SPATA13: variants seen among roughly 807,000 people sequenced by gnomAD.
The protein encoded by SPATA13 is spermatogenesis-associated protein 13.
SPATA13 carries 50 observed loss-of-function variants against 104.0 expected under a neutral mutation model. The ratio of observed to expected loss-of-function variants is 0.48; its 90% CI spans 0.38 to 0.61. SPATA13 has a LOEUF of 0.61. Among genes scored for constraint, SPATA13 ranks in the 20% least tolerant of loss-of-function variants. SPATA13 has a pLI of 0.00. For missense variants in SPATA13, 1,524 were observed against 1,690.6 expected, an observed-to-expected ratio of 0.90 and a Z score of 1.73; for synonymous variants, 606 against 667.5, an observed-to-expected ratio of 0.91 and a Z score of 1.42.
chr13:24,124,377 CT>C (rs1299300428), intron 3 of SPATA13, among the ~76,000 whole-genome samples: 1 of 152,168 alleles, frequency 6.6e-6, no homozygotes, highest in Non-Finnish European at 1.5e-5. Context: ...TTGCTGAAAG[CT>C]CTTTCAGGAC....
chr13:24,238,960 G>A (rs1159926578), intron 2 of SPATA13, among the ~76,000 whole-genome samples: 1 of 152,190 alleles, frequency 6.6e-6, no homozygotes, highest in Non-Finnish European at 1.5e-5. Flanking sequence ...TCCTGTGCGG[G>A]CAGTCCATGT....
At chr13:24,150,416 T>C (rs1882064016) in intron 3 of SPATA13, among the ~76,000 whole-genome samples, 1 of 152,212 alleles carries the variant, frequency 6.6e-6, no homozygotes, top group Admixed American at 6.5e-5. Flanking sequence ...CTGGCATGGG[T>C]GCCCTCTGGG....
rs1387516166 is a variant in SPATA13, at chr13:24,223,520, A to G, written c.591A>G (p.Thr197=). The change falls in exon 2 of 13, where the codon ACA becomes ACG. Residue 197 remains threonine, a synonymous_variant. Transcript: ENST00000382108. Reference sequence around the variant, plus strand: ...CGGACGATGCCTTCCAGCGGAGCACACACCGCTCCCGCAGCCTCCGCAGAG... The same window carrying G: ...CGGACGATGCCTTCCAGCGGAGCACGCACCGCTCCCGCAGCCTCCGCAGAG... ...EDTDDAFQRS[T]HRSRSLRRAY... The G allele has an allele frequency of 1.3e-6, 2 of 1,548,476 alleles. No individual in the cohort carries two copies. Among genetic ancestry groups the G allele is most frequent in the East Asian group, 2.4e-5 (1 of 40,904 alleles).
chr13:24,279,726 A>G (rs55860369), intron 4 of SPATA13, among the ~76,000 whole-genome samples: 18,789 of 152,228 alleles, frequency 0.12, 1,749 homozygotes, highest in African/African-American at 0.26. Context: ...TGAAGCTCAA[A>G]GAGCTGAAGT....
intron 1 of SPATA13, among the ~76,000 whole-genome samples, chr13:24,168,075 ATT>A (rs1248914052): frequency 6.6e-6 from 1 of 152,140 alleles, no homozygotes; most frequent in Non-Finnish European, 1.5e-5. Context: ...TCTGAAGGAC[ATT>A]TTTCATGTCG....
chr13:24,279,329 C>T (rs9511175), intron 4 of SPATA13, among the ~76,000 whole-genome samples: 26,674 of 152,154 alleles, frequency 0.18, 2,589 homozygotes, highest in South Asian at 0.26. Context: ...GGGTGGGAGG[C>T]ACAGTGTATC....
At chr13:23,984,455 A>G (rs7987132) in intron 2 of SPATA13, among the ~76,000 whole-genome samples, 30,802 of 152,214 alleles carry the variant, frequency 0.2, 3,496 homozygotes, top group Admixed American at 0.31. Context: ...TAAGTTGAAT[A>G]GAAACCGTGT....
At chr13:24,182,362 G>T (rs1323125482) in intron 1 of SPATA13, among the ~76,000 whole-genome samples, 1 of 152,112 alleles carries the variant, frequency 6.6e-6, no homozygotes, top group Non-Finnish European at 1.5e-5. Flanking sequence ...ATTGGCTCAC[G>T]GTTCTGCAGG....
intron 3 of SPATA13, among the ~76,000 whole-genome samples, chr13:24,111,817 G>A (rs1880649569): frequency 6.6e-6 from 1 of 152,176 alleles, no homozygotes; most frequent in Admixed American, 6.5e-5. Context: ...TAGATTGTTA[G>A]AATTTCTTTG....
intron 4 of SPATA13, among the ~76,000 whole-genome samples, chr13:24,282,710 C>T (rs12857288): frequency 0.068 from 10,322 of 152,288 alleles, 454 homozygotes; most frequent in Non-Finnish European, 0.099. Flanking sequence ...CAGCCCTCAT[C>T]GTGCGGGACA....
At chr13:24,279,758 G>T (rs1875355064) in intron 4 of SPATA13, among the ~76,000 whole-genome samples, 1 of 152,224 alleles carries the variant, frequency 6.6e-6, no homozygotes, top group South Asian at 2.1e-4. Flanking sequence ...AGGTCATTTA[G>T]TTAGGAAGTT....
chr13:24,258,954 T>C (rs565486489), intron 4 of SPATA13, among the ~76,000 whole-genome samples: 7 of 152,110 alleles, frequency 4.6e-5, no homozygotes, highest in South Asian at 2.1e-4. Flanking sequence ...GGAGAGCATA[T>C]CCTAGCTAGC....
chr13:24,062,601 T>G (rs1432101457), intron 3 of SPATA13, among the ~76,000 whole-genome samples: 1 of 152,064 alleles, frequency 6.6e-6, no homozygotes, highest in African/African-American at 2.4e-5. Flanking sequence ...CAGTTCTAAT[T>G]TTCCGTTTTC....
chr13:24,281,286 C>G (rs997238728), intron 4 of SPATA13, among the ~76,000 whole-genome samples: 7 of 152,234 alleles, frequency 4.6e-5, no homozygotes, highest in Non-Finnish European at 8.8e-5. Flanking sequence ...CTCACTTTCA[C>G]TTTTTCCTCA....
chr13:24,298,707 A>G (rs1340505690), intron 11 of SPATA13, among the ~76,000 whole-genome samples: 1 of 152,226 alleles, frequency 6.6e-6, no homozygotes, highest in African/African-American at 2.4e-5. Flanking sequence ...CCATGAGGAC[A>G]GCAGGACTAA....
Position 24,160,864 on chromosome 13 carries a change from G to C in SPATA13, c.-180G>C. 2.0e-6 allele frequency: 2 copies of C among 984,894 alleles called. No individual in the cohort carries two copies. Among genetic ancestry groups the C allele is most frequent in the Non-Finnish European group, 2.4e-6 (2 of 829,432 alleles). 61.0% of individuals were successfully genotyped at this position (984,894 alleles called of 1,614,324 possible). On this transcript the variant is annotated 5_prime_UTR_variant, in exon 1 of 13. Transcript: ENST00000382108. ...CCTCGGGGCTCCGCCGGCACCGGAG[G>C]TGGCTCTGAGGGCAGGGACGTGTTG...
chr13:24,260,521 T>C (rs1874008611), intron 4 of SPATA13, among the ~76,000 whole-genome samples: 1 of 152,212 alleles, frequency 6.6e-6, no homozygotes, highest in Admixed American at 6.5e-5. Context: ...TATGATGATA[T>C]GGAACTGATT....
chr13:24,255,369 CT>C (rs1421031819), intron 4 of SPATA13, among the ~76,000 whole-genome samples: 16 of 152,278 alleles, frequency 1.1e-4, no homozygotes, highest in African/African-American at 3.8e-4. Context: ...TCAGGTCGGG[CT>C]CTGCTTGCCA....
chr13:24,005,971 T>A (rs1338580359), intron 2 of SPATA13, among the ~76,000 whole-genome samples: 1 of 152,322 alleles, frequency 6.6e-6, no homozygotes, highest in South Asian at 2.1e-4. Context: ...GCTACACAAT[T>A]GCTCTGTTTG....
Sources: allele counts gnomAD v4.1 joint callset (sites outside exome capture counted in the v4.1 genomes callset), GRCh38; gene constraint gnomAD v4.1.1; transcripts MANE v1.5; gene names NCBI Gene and HGNC (gene_info 2026-07-23, HGNC 2026-07-21).